The following CEP97 variants were observed in gnomAD, a reference collection of about 807,000 sequenced individuals.
CEP97 encodes centrosomal protein 97.
Under a neutral mutation model 73.1 loss-of-function variants are expected in CEP97, and 43 were observed. The ratio of observed to expected loss-of-function variants is 0.59; its 90% CI spans 0.46 to 0.76. The LOEUF (loss-of-function observed/expected upper bound fraction) is 0.76, where lower values mean the gene tolerates loss of function less well. Among genes scored for constraint, CEP97 ranks in the 30% least tolerant of loss-of-function variants. The pLI is 0.00. For missense variants in CEP97, 939 were observed against 1,014.0 expected, an observed-to-expected ratio of 0.93 and a Z score of 1.00; for synonymous variants, 337 against 370.0, an observed-to-expected ratio of 0.91 and a Z score of 1.02.
intron 6 of CEP97, among the ~76,000 whole-genome samples, chr3:101,733,810 G>C (rs528102144): frequency 6.7e-6 from 1 of 149,438 alleles, no homozygotes; most frequent in African/African-American, 2.5e-5. Flanking sequence ...GATTACAGGC[G>C]TGAGCCACCG....
chr3:101,756,048 T>A (rs1253690305), intron 7 of CEP97, among the ~76,000 whole-genome samples: 2 of 151,908 alleles, frequency 1.3e-5, no homozygotes, highest in African/African-American at 4.8e-5. Flanking sequence ...ATAGGATTTT[T>A]AAAAAATATA....
Position 101,765,528 on chromosome 3 carries a change from T to C in CEP97, c.2575T>C (p.Leu859=). The C allele has an allele frequency of 6.2e-7, 1 of 1,612,380 alleles. No individual in the cohort carries two copies. The highest frequency in any genetic ancestry group is 8.5e-7 in the Non-Finnish European group (1 of 1,178,730). The change falls in exon 11 of 11, where the codon TTG becomes CTG. Residue 859 remains leucine (L), a synonymous_variant. Coordinates refer to ENST00000341893, the MANE Select transcript of CEP97 (RefSeq NM_024548.4). ...QPECDSTFQL[L]HVGVTV Reference sequence around the variant, plus strand: ...AGAATGTGATTCTACATTTCAGCTATTGCATGTTGGTGTTACTGTGTAGCA... The same window carrying C: ...AGAATGTGATTCTACATTTCAGCTACTGCATGTTGGTGTTACTGTGTAGCA...
intron 6 of CEP97, among the ~76,000 whole-genome samples, chr3:101,739,606 C>T (rs1176110612): frequency 6.6e-6 from 1 of 152,060 alleles, no homozygotes; most frequent in East Asian, 1.9e-4. Context: ...AAAAGGCCTT[C>T]AATAAAATTC....
chr3:101,746,196 A>T (rs566838555), intron 6 of CEP97, among the ~76,000 whole-genome samples: 51 of 152,364 alleles, frequency 3.3e-4, no homozygotes, highest in African/African-American at 1.2e-3. Flanking sequence ...TGCTATTGTG[A>T]ATAATGCCAC....
intron 9 of CEP97, 103 bp from the exon 10 acceptor site, chr3:101,762,382 A>C: frequency 1.9e-6 from 1 of 535,580 alleles, no homozygotes; most frequent in Non-Finnish European, 3.3e-6. Context: ...GACAACTATT[A>C]GATTATTAAT....
chr3:101,753,909 A>G (rs557344626), intron 6 of CEP97, among the ~76,000 whole-genome samples: 25 of 152,278 alleles, frequency 1.6e-4, no homozygotes, highest in Admixed American at 6.5e-4. Context: ...CGCTGCACCC[A>G]CTGTCCTCTG....
At chr3:101,738,011 C>CA (rs770745532) in intron 6 of CEP97, among the ~76,000 whole-genome samples, 11,769 of 44,244 alleles carry the variant, frequency 0.27, 1,717 homozygotes, top group East Asian at 0.45. Context: ...AAATGGAAAG[C>CA]AAAAAAAAAA....
intron 10 of CEP97, among the ~76,000 whole-genome samples, chr3:101,763,777 C>T (rs1939233540): frequency 6.6e-6 from 1 of 152,182 alleles, no homozygotes; most frequent in Non-Finnish European, 1.5e-5. Flanking sequence ...AAACTGTAAT[C>T]TCTACCTGGG....
rs766672640 is a variant in CEP97, at chr3:101,757,772, C to G, written c.1166C>G (p.Thr389Arg). The G allele has an allele frequency of 6.2e-7, 1 of 1,614,216 alleles. No homozygotes were observed. The highest frequency in any genetic ancestry group is 2.2e-5 in the East Asian group (1 of 44,888). ...GATCTGCACCTGGAAGACATACAGA[C>G]GGATGAGGACAAGTTAAACTGTAGT... ...RNDLHLEDIQ[T>R]DEDKLNCSLL... Residue 389 changes from threonine to arginine, a missense_variant, in exon 9 of 11, where the codon ACG becomes AGG. Transcript: ENST00000341893.
At chr3:101,753,848 G>T (rs1938922067) in intron 6 of CEP97, among the ~76,000 whole-genome samples, 1 of 152,182 alleles carries the variant, frequency 6.6e-6, no homozygotes, top group Non-Finnish European at 1.5e-5. Flanking sequence ...CTGACCCCTT[G>T]CGCTTCCTGA....
At chr3:101,726,929 T>C (rs1937910430) in intron 2 of CEP97, among the ~76,000 whole-genome samples, 193 bp downstream of exon 2, 1 of 152,136 alleles carries the variant, frequency 6.6e-6, no homozygotes. Context: ...AAAAAAAGCA[T>C]TGTTAAGAAA....
rs1939346159 is a variant in CEP97 at position 101,767,379 on chromosome 3, G to A, written c.*1828G>A. 1 of 151,980 alleles carries A rather than the reference G, an allele frequency of 6.6e-6. No homozygotes were observed. Among genetic ancestry groups the A allele is most frequent in the Non-Finnish European group, 1.5e-5 (1 of 67,986 alleles). The allele number at this position is 151,980 out of a possible 1,614,324, so 9.4% of individuals were successfully genotyped here. Reference sequence around the variant, plus strand: ...TTATCTTTTCTGAATGATTTTGAATGTCTTCTTAAATATACCCTATTTTTC... The same window carrying A: ...TTATCTTTTCTGAATGATTTTGAATATCTTCTTAAATATACCCTATTTTTC... On this transcript the variant is annotated 3_prime_UTR_variant, in exon 11 of 11. Transcript: ENST00000341893.
At chr3:101,756,760 A>G (rs75253066) in intron 7 of CEP97, among the ~76,000 whole-genome samples, 7,459 of 152,244 alleles carry the variant, frequency 0.049, 648 homozygotes, top group African/African-American at 0.17. Context: ...ACAGTGAAAA[A>G]AAAGAGAAAA....
Position 101,728,931 on chromosome 3 carries a change from C to T in CEP97, c.441C>T (p.Ser147=). The change falls in exon 4 of 11, where the codon TCC becomes TCT. Residue 147 remains serine (S), a synonymous_variant. Transcript: ENST00000341893. ...TAGGTGATCTATCTAAATTGGTATC[C>T]CTGAAAGTAAGTATGTTTTCTTTGT... The part of the protein sequence containing the change: ...SQIGDLSKLV[S]LKTLLLHGNI... 2 of 1,485,534 alleles carry T rather than the reference C, an allele frequency of 1.3e-6. No individual in the cohort carries two copies. The highest frequency in any genetic ancestry group is 1.9e-6 in the Non-Finnish European group (2 of 1,068,014). The allele number at this position is 1,485,534 out of a possible 1,614,324, so 92.0% of individuals were successfully genotyped here.
intron 1 of CEP97, 42 bp from the exon 2 acceptor site, chr3:101,726,552 T>G (rs1023119229): frequency 6.6e-7 from 1 of 1,516,664 alleles, no homozygotes; most frequent in East Asian, 2.3e-5. Context: ...TGTACATGTT[T>G]TATTTTATTT....
intron 9 of CEP97, among the ~76,000 whole-genome samples, chr3:101,761,313 A>G (rs1411115242): frequency 1.3e-5 from 2 of 152,282 alleles, no homozygotes; most frequent in East Asian, 3.9e-4. Flanking sequence ...GCTTAGAACC[A>G]TTTCTGAAAG....
At chr3:101,754,129 C>G (rs1938937585) in intron 6 of CEP97, among the ~76,000 whole-genome samples, 1 of 148,500 alleles carries the variant, frequency 6.7e-6, no homozygotes, top group South Asian at 2.1e-4. Flanking sequence ...CTCAAGCAAT[C>G]CTCCCACCGC....
chr3:101,770,421 TTTCTC>T lies in CEP97; in HGVS notation c.*4873_*4877del, dbSNP rs1370794845. The T allele has an allele frequency of 1.9e-4, 29 of 152,382 alleles. No individual in the cohort carries two copies. Among genetic ancestry groups the T allele is most frequent in the African/African-American group, 6.7e-4 (28 of 41,600 alleles). The allele number at this position is 152,382 out of a possible 1,614,324, so 9.4% of individuals were successfully genotyped here. ...AATTTGATTTTGGACTGTATTTAGA[TTTCTC>T]TTTAATTTTGCTGTAGAAATAGTAA... On this transcript the variant is annotated 3_prime_UTR_variant, in exon 11 of 11. Transcript: ENST00000341893.
At chr3:101,735,651 C>G (rs1051461063) in intron 6 of CEP97, among the ~76,000 whole-genome samples, 1 of 152,190 alleles carries the variant, frequency 6.6e-6, no homozygotes, top group African/African-American at 2.4e-5. Flanking sequence ...CTGGGAGGAA[C>G]AGTGTACTCT....
Sources: gnomAD v4.1 joint callset for allele counts (sites outside exome capture counted in the v4.1 genomes callset) on GRCh38, gnomAD v4.1.1 for gene constraint, MANE v1.5 for transcripts, NCBI Gene and HGNC (gene_info 2026-07-23, HGNC 2026-07-21) for gene names.